Variants in RSAD2 observed in about 807,000 individuals in gnomAD.
RSAD2 encodes the protein radical S-adenosyl methionine domain containing 2, also known as S-adenosylmethionine-dependent nucleotide dehydratase RSAD2.
A neutral mutation model predicts 37.7 loss-of-function variants in RSAD2; 38 were observed. The ratio of observed to expected loss-of-function variants is 1.01; its 90% confidence interval spans 0.78 to 1.32. The LOEUF (loss-of-function observed/expected upper bound fraction) is 1.32. RSAD2 is among the 40% of genes most tolerant of loss of function. The pLI, the probability that RSAD2 is intolerant of heterozygous loss-of-function variation, is 0.00. For missense variants in RSAD2, 428 were observed against 437.5 expected (o/e 0.98, Z 0.19); for synonymous variants, 163 against 157.4 (o/e 1.04, Z -0.27).
At chr2:6,882,244 A>G (rs1663419712) in intron 1 of RSAD2, among the ~76,000 whole-genome samples, 1 of 152,208 alleles carries the variant, frequency 6.6e-6, no homozygotes, top group African/African-American at 2.4e-5. Flanking sequence ...CAAAACAAAT[A>G]CACAGAGAGT....
At chr2:6,875,596 T>C (rs542542334), upstream of RSAD2, among the ~76,000 whole-genome samples, 6 of 152,336 alleles carry the variant, frequency 3.9e-5, no homozygotes, top group Admixed American at 3.9e-4. Flanking sequence ...ATACACTTCC[T>C]AGGCAGGGAC....
intron 2 of RSAD2, 110 bp downstream of exon 2, chr2:6,883,642 G>A: frequency 7.7e-7 from 1 of 1,300,638 alleles, no homozygotes; most frequent in South Asian, 1.4e-5. Context: ...GGAACTGGAA[G>A]GGAGGAAAAA....
chr2:6,882,352 G>A (rs1663422100), intron 1 of RSAD2, among the ~76,000 whole-genome samples: 2 of 152,124 alleles, frequency 1.3e-5, no homozygotes, highest in South Asian at 4.1e-4. Context: ...AGAATGCCTG[G>A]AAAGGAATAG....
At chr2:6,895,585 G>A (rs1044493449) in intron 5 of RSAD2, among the ~76,000 whole-genome samples, 193 bp from the exon 6 acceptor site, 4 of 152,252 alleles carry the variant, frequency 2.6e-5, no homozygotes, top group Non-Finnish European at 4.4e-5. Context: ...ACTTAGCCCA[G>A]CCTCTTCCAC....
intron 1 of RSAD2, 89 bp downstream of exon 1, chr2:6,878,235 G>T: frequency 9.2e-7 from 1 of 1,081,298 alleles, no homozygotes; most frequent in East Asian, 2.6e-5. Context: ...TGCACAAGCT[G>T]GAGAGCTTCT....
Position 6,898,151 on chromosome 2 carries a change from T to C in RSAD2, c.*2209T>C, listed in dbSNP as rs893842972. ...TGAATCTTCTGAGTTGGAATGAATT[T>C]TTTTCTAGCTGAGGGAAACTGTATT... is the stretch of plus-strand genomic sequence containing the variant. On this transcript the variant is annotated 3_prime_UTR_variant, in exon 6 of 6. Transcript: ENST00000382040. The C allele has an allele frequency of 6.6e-6, 1 of 152,154 alleles. No homozygotes were observed. The highest frequency in any genetic ancestry group is 1.5e-5 in the Non-Finnish European group (1 of 68,020). The allele number at this position is 152,154 out of a possible 1,614,324, so 9.4% of individuals were successfully genotyped here. A position where few individuals can be genotyped will look rare whatever the true frequency, so the allele number is the denominator to read the frequency against.
At chr2:6,890,108 G>C in intron 3 of RSAD2, 68 bp from the exon 4 acceptor site, 4 of 1,476,564 alleles carry the variant, frequency 2.7e-6, no homozygotes, top group East Asian at 4.5e-5. Context: ...TTGAAAAGGG[G>C]GAGTGAGGTT....
upstream of RSAD2, chr2:6,876,836 T>TA (rs1281054818): frequency 6.6e-6 from 1 of 152,188 alleles, no homozygotes; most frequent in Non-Finnish European, 1.5e-5. Context: ...TCGCCTGAGA[T>TA]ACGTTGCTTT....
intron 3 of RSAD2, 23 bp downstream of exon 3, chr2:6,887,187 G>A (rs1432499500): frequency 1.3e-6 from 2 of 1,571,280 alleles, no homozygotes; most frequent in East Asian, 2.3e-5. Context: ...GGTCGCTTTT[G>A]CTGATTTCCT....
chr2:6,873,619 A>T (rs1213031543), upstream of RSAD2, among the ~76,000 whole-genome samples: 1 of 152,164 alleles, frequency 6.6e-6, no homozygotes, highest in Non-Finnish European at 1.5e-5. Context: ...TTTCACATCC[A>T]TGTAAATCTG....
intron 4 of RSAD2, among the ~76,000 whole-genome samples, chr2:6,891,040 G>A (rs1053599873): frequency 2.0e-5 from 3 of 151,922 alleles, no homozygotes; most frequent in Non-Finnish European, 4.4e-5. Context: ...TTAAAAATAT[G>A]TCACACATAT....
At chr2:6,877,728 C>A, upstream of RSAD2, 1 of 1,152,972 alleles carries the variant, frequency 8.7e-7, no homozygotes, top group Non-Finnish European at 1.2e-6. Flanking sequence ...TGCTCAGAGA[C>A]TGCTGATTTC....
At chr2:6,870,217 T>C (rs973496803) in intron 1 of RSAD2, among the ~76,000 whole-genome samples, 1 of 152,222 alleles carries the variant, frequency 6.6e-6, no homozygotes, top group African/African-American at 2.4e-5. Context: ...CGGAGAACTT[T>C]TGTTCACATT....
At position 6,886,967 on chromosome 2, in the gene RSAD2, G is replaced by A; in HGVS notation, c.541G>A (p.Asp181Asn). Residue 181 changes from aspartate (D) to asparagine (N), a missense_variant, in exon 3 of 6, where the codon GAC becomes AAC. Physicochemically the swap from Asp to Asn is conservative, Grantham distance 23. Transcript: ENST00000382040. ...EYLDILAISC[D>N]SFDEEVNVLI... ...TTTGGACATTCTCGCTATCTCCTGT[G>A]ACAGCTTTGACGAGGAAGTCAATGT... 6.2e-7 allele frequency: 1 copy of A among 1,614,156 alleles called. No individual in the cohort carries two copies. Among genetic ancestry groups the A allele is most frequent in the Non-Finnish European group, 8.5e-7 (1 of 1,179,996 alleles).
At chr2:6,872,907 A>G (rs1663224289), upstream of RSAD2, among the ~76,000 whole-genome samples, 1 of 152,194 alleles carries the variant, frequency 6.6e-6, no homozygotes, top group Admixed American at 6.5e-5. Flanking sequence ...TTTAATTTTT[A>G]ATTTGCAAAT....
At chr2:6,876,009 C>A (rs530363219), upstream of RSAD2, among the ~76,000 whole-genome samples, 1 of 152,248 alleles carries the variant, frequency 6.6e-6, no homozygotes, top group East Asian at 1.9e-4. Flanking sequence ...CCATAGACTC[C>A]CTTGCTCGTG....
chr2:6,870,865 A>G (rs1022197782), intron 1 of RSAD2, among the ~76,000 whole-genome samples: 4 of 152,182 alleles, frequency 2.6e-5, no homozygotes, highest in African/African-American at 4.8e-5. Flanking sequence ...AGTTCTTCCT[A>G]TCTGGTCAGC....
rs750417249 is a variant in RSAD2, at chr2:6,895,927, G to A, written c.1071G>A (p.Leu357=). The change falls in exon 6 of 6, where the codon CTG becomes CTA. Residue 357 remains leucine, a synonymous_variant. Transcript: ENST00000382040. ...AATACATATGGAGTAAGGCTGATCT[G>A]AAGCTGGATTGGTAGAGCGGAAAGT... ...GGKYIWSKAD[L]KLDW 2 of 1,613,800 alleles carry A rather than the reference G, an allele frequency of 1.2e-6. No homozygotes were observed. The highest frequency in any genetic ancestry group is 3.3e-5 in the Admixed American group (2 of 59,998).
At chr2:6,872,478 A>C (rs1663217747) in intron 1 of RSAD2, among the ~76,000 whole-genome samples, 3 of 152,184 alleles carry the variant, frequency 2.0e-5, no homozygotes, top group Admixed American at 2.0e-4. Flanking sequence ...GTGTGTGATT[A>C]AGCTATTTAG....
Sources: gnomAD v4.1 joint callset for allele counts (sites outside exome capture counted in the v4.1 genomes callset) on GRCh38, gnomAD v4.1.1 for gene constraint, MANE v1.5 for transcripts, NCBI Gene and HGNC (gene_info 2026-07-23, HGNC 2026-07-21) for gene names.